Variants in CFAP92 observed in about 807,000 individuals in gnomAD.
CFAP92 encodes the protein uncharacterized protein CFAP92.
A neutral mutation model predicts 106.3 loss-of-function variants in CFAP92; 86 were observed. The ratio of observed to expected loss-of-function variants is 0.81; its 90% CI spans 0.68 to 0.97. The LOEUF (loss-of-function observed/expected upper bound fraction) is 0.97. Ranked by LOEUF, CFAP92 falls within the 50% of genes least tolerant of loss-of-function variation. The pLI, the probability that CFAP92 is intolerant of heterozygous loss-of-function variation, is 0.00. For missense variants in CFAP92, 1,204 were observed against 1,283.8 expected (o/e 0.94, Z 0.95); for synonymous variants, 477 against 506.4 (o/e 0.94, Z 0.78).
At chr3:129,002,385 G>C in intron 1 of CFAP92, 1 of 1,474,742 alleles carries the variant, frequency 6.8e-7, no homozygotes, top group Non-Finnish European at 8.9e-7. Context: ...ACTAAAAGCT[G>C]GCTGGCTGCG....
chr3:129,003,190 G>A, upstream of CFAP92: 1 of 983,120 alleles, frequency 1.0e-6, no homozygotes. Context: ...TGGAAGCCAG[G>A]GTGGAGGCGG....
At chr3:129,014,963 G>C in the CFAP92 span, among the ~76,000 whole-genome samples, 1 of 152,168 alleles carries the variant, frequency 6.6e-6, no homozygotes, top group Admixed American at 6.5e-5. The surrounding 1 kb of genome is among the most constrained non-coding windows in gnomAD (Gnocchi z 4.3). Context: ...CTCTCCAGTC[G>C]CACCCACCAC....
At chr3:128,914,983 A>G (rs940836638) in intron 15 of CFAP92, 136 bp downstream of exon 15, 1 of 819,948 alleles carries the variant, frequency 1.2e-6, no homozygotes, top group African/African-American at 1.7e-5. Flanking sequence ...CCCATTCTGC[A>G]TCTTGCTTTT....
chr3:128,912,006 C>G (rs1936379554), intron 15 of CFAP92, among the ~76,000 whole-genome samples: 1 of 152,242 alleles, frequency 6.6e-6, no homozygotes, highest in African/African-American at 2.4e-5. Context: ...TACCTCTGAC[C>G]CTCACAGTCC....
At chr3:128,979,730 A>G (rs559550361) in intron 4 of CFAP92, among the ~76,000 whole-genome samples, 1 of 147,772 alleles carries the variant, frequency 6.8e-6, no homozygotes, top group South Asian at 2.3e-4. Flanking sequence ...TCTCACTCAT[A>G]GGTGGGAATT....
At chr3:128,949,811 TGAG>T (rs1271002107) in intron 9 of CFAP92, among the ~76,000 whole-genome samples, 5 of 152,188 alleles carry the variant, frequency 3.3e-5, no homozygotes, top group Non-Finnish European at 7.3e-5. Context: ...TTCAGCCTCC[TGAG>T]GAGCTGGGAT....
chr3:128,952,416 T>A (rs1429450688), intron 9 of CFAP92, among the ~76,000 whole-genome samples: 1 of 152,182 alleles, frequency 6.6e-6, no homozygotes, highest in Non-Finnish European at 1.5e-5. Context: ...TACAGTCTCA[T>A]AATGTAATAC....
rs113861360 is a variant in CFAP92, at chr3:128,935,086, G to A, written c.2453+39C>T. The stretch of plus-strand genomic sequence containing the variant: ...CAGAGTGTTAAGAAGTGCCCCTCCC[G>A]CCGGGGCGCAGGACCACATGCGAGC... On this transcript the variant is annotated intron_variant, in intron 11 of 15. Coordinates refer to ENST00000645291, the MANE Select transcript of CFAP92 (RefSeq NM_001394090.1). 4.5e-4 allele frequency: 651 copies of A among 1,456,170 alleles called. 5 individuals carry two copies. The African/African-American group carries it at 7.8e-3, about 17-fold the overall frequency. 90.2% of individuals were successfully genotyped at this position (1,456,170 alleles called of 1,614,324 possible).
chr3:128,962,213 C>G (rs537222660), intron 9 of CFAP92, among the ~76,000 whole-genome samples: 2 of 152,146 alleles, frequency 1.3e-5, no homozygotes, highest in African/African-American at 4.8e-5. Context: ...TAGACCATCA[C>G]GGACGCCGAG....
intron 9 of CFAP92, among the ~76,000 whole-genome samples, chr3:128,958,678 A>T (rs1342754519): frequency 6.6e-6 from 1 of 152,184 alleles, no homozygotes; most frequent in Non-Finnish European, 1.5e-5. Context: ...CGGCAGGAGG[A>T]TCACTTGATC....
upstream of CFAP92, among the ~76,000 whole-genome samples, chr3:128,997,091 C>T (rs1048223921): frequency 6.6e-6 from 1 of 152,204 alleles, no homozygotes; most frequent in Non-Finnish European, 1.5e-5. Flanking sequence ...ATGGACTGTA[C>T]ATCTGGTAAG....
In CFAP92 at chr3:128,959,753, C is replaced by T. The variant is rs187531570; in HGVS notation, c.1353+5758G>A. On this transcript the variant is annotated intron_variant, in intron 9 of 15. Transcript: ENST00000645291. Reference sequence around the variant, plus strand: ...GACCTCAGGACTGGTCACACCTAATCCCAGGAACCCCATCTCTTTTGTATC... The same window carrying T: ...GACCTCAGGACTGGTCACACCTAATTCCAGGAACCCCATCTCTTTTGTATC... Among the ~76,000 whole-genome samples the T allele has an allele frequency of 9.8e-3, 1,486 of 152,306 alleles. 13 individuals are homozygous for T. The highest frequency in any genetic ancestry group is 0.016 in the Non-Finnish European group (1,114 of 68,012).
intron 15 of CFAP92, among the ~76,000 whole-genome samples, chr3:128,912,297 G>A (rs1936418690): frequency 6.6e-6 from 1 of 152,184 alleles, no homozygotes; most frequent in African/African-American, 2.4e-5. Flanking sequence ...GAGATGAGCA[G>A]GATGAGTCCT....
chr3:128,966,432 G>A (rs1207999895), intron 8 of CFAP92, among the ~76,000 whole-genome samples: 2 of 152,218 alleles, frequency 1.3e-5, no homozygotes, highest in East Asian at 1.9e-4. Flanking sequence ...AACACAACTG[G>A]CACATCTGAG....
At chr3:128,915,001 T>G in intron 15 of CFAP92, 118 bp downstream of exon 15, 1 of 995,502 alleles carries the variant, frequency 1.0e-6, no homozygotes, top group Non-Finnish European at 1.4e-6. Context: ...TTTCTTAGCA[T>G]AGAAAGTTTG....
intron 12 of CFAP92, among the ~76,000 whole-genome samples, chr3:128,922,015 G>T (rs541265350): frequency 6.6e-6 from 1 of 152,024 alleles, no homozygotes; most frequent in East Asian, 1.9e-4. Context: ...CAGTGCATAC[G>T]GGAATAATTG....
rs532224306 is a variant in CFAP92, at chr3:128,987,769, T to A, written c.514A>T (p.Ile172Phe). 8 of 1,613,954 alleles carry A rather than the reference T, an allele frequency of 5.0e-6. No homozygotes were observed. The East Asian group carries it at 1.8e-4, about 36-fold the overall frequency. ...TTTAATAATTCCTTTGTCACAGTGATATTAAAAGTCTGCTCCCACGACACC... is the reference window on the plus strand; with the variant it reads ...TTTAATAATTCCTTTGTCACAGTGAAATTAAAAGTCTGCTCCCACGACACC... Reference protein sequence around the residue: ...AWVSWEQTFNITVTKELLKKI... With the variant: ...AWVSWEQTFNFTVTKELLKKI... Residue 172 changes from isoleucine (I) to phenylalanine (F), a missense_variant, in exon 4 of 16, where the codon ATC becomes TTC. Transcript: ENST00000645291.
At chr3:128,940,400 C>A (rs557757233) in intron 10 of CFAP92, among the ~76,000 whole-genome samples, 1 of 152,158 alleles carries the variant, frequency 6.6e-6, no homozygotes, top group Non-Finnish European at 1.5e-5. Context: ...ACTTGAGGAA[C>A]TGCCAGAATG....
chr3:128,956,672 T>A (rs941894934), intron 9 of CFAP92, among the ~76,000 whole-genome samples: 1 of 151,968 alleles, frequency 6.6e-6, no homozygotes, highest in African/African-American at 2.4e-5. Context: ...GGTATAACAT[T>A]TTTCAAGTGT....
Sources: gnomAD v4.1 joint callset for allele counts (sites outside exome capture counted in the v4.1 genomes callset) on GRCh38, gnomAD v4.1.1 for gene constraint, Gnocchi (gnomAD v3.1) non-coding constraint, MANE v1.5 for transcripts, NCBI Gene and HGNC (gene_info 2026-07-23, HGNC 2026-07-21) for gene names.